NBEA: variants seen among roughly 807,000 people sequenced by gnomAD.
The protein encoded by NBEA is neurobeachin.
In NBEA, 44 loss-of-function variants were observed where a neutral mutation model predicts 343.4. The observed-to-expected ratio is 0.13, with a 90% CI of 0.10 to 0.16. The LOEUF (loss-of-function observed/expected upper bound fraction) is 0.16. NBEA is among the 10% of genes least tolerant of loss of function. The pLI is 1.00. For missense variants in NBEA, 2,555 were observed against 3,631.3 expected, an observed-to-expected ratio of 0.70 and a Z score of 7.62; for synonymous variants, 1,175 against 1,238.7, an observed-to-expected ratio of 0.95 and a Z score of 1.08.
chr13:35,117,058 T>C (rs1281395207), intron 13 of NBEA, among the ~76,000 whole-genome samples: 2 of 151,822 alleles, frequency 1.3e-5, no homozygotes, highest in Admixed American at 1.3e-4. Context: ...ACAAGTTTAA[T>C]TGAGAGTGGA....
chr13:35,309,064 G>C (rs2037185170), intron 35 of NBEA, among the ~76,000 whole-genome samples: 1 of 151,872 alleles, frequency 6.6e-6, no homozygotes, highest in Non-Finnish European at 1.5e-5. Flanking sequence ...CATATAACTA[G>C]AACATTGCAC....
intron 1 of NBEA, among the ~76,000 whole-genome samples, chr13:35,016,557 C>T (rs997271904): frequency 6.6e-6 from 1 of 150,438 alleles, no homozygotes; most frequent in African/African-American, 2.5e-5. Context: ...AGCTACAATA[C>T]AAGCTCCACC....
chr13:35,646,681 T>C (rs7338554), intron 51 of NBEA, among the ~76,000 whole-genome samples: 5,157 of 152,186 alleles, frequency 0.034, 307 homozygotes, highest in African/African-American at 0.12. Flanking sequence ...CAATGAAAAA[T>C]GTATTGCAGA....
At chr13:35,154,694 A>C (rs1287156695) in intron 18 of NBEA, among the ~76,000 whole-genome samples, 4 of 152,234 alleles carry the variant, frequency 2.6e-5, no homozygotes, top group Non-Finnish European at 4.4e-5. Context: ...TTAGTGGGAA[A>C]GTTAGTAAAT....
At chr13:34,987,467 G>T (rs931825107) in intron 1 of NBEA, among the ~76,000 whole-genome samples, 3 of 150,684 alleles carry the variant, frequency 2.0e-5, no homozygotes, top group Non-Finnish European at 4.5e-5. Flanking sequence ...TGACAATTAT[G>T]TGTCTTGGGG....
chr13:35,588,657 A>G (rs1379311935), intron 46 of NBEA, among the ~76,000 whole-genome samples: 2 of 152,186 alleles, frequency 1.3e-5, no homozygotes, highest in African/African-American at 2.4e-5. Context: ...TGGGCAAATC[A>G]TGAATAAACT....
chr13:35,398,420 C>T (rs1397335846), intron 38 of NBEA, among the ~76,000 whole-genome samples: 1 of 152,090 alleles, frequency 6.6e-6, no homozygotes, highest in Non-Finnish European at 1.5e-5. Context: ...TGATTTTGCC[C>T]AGATCCATCA....
intron 1 of NBEA, among the ~76,000 whole-genome samples, chr13:35,035,477 G>A (rs558020574): frequency 6.6e-6 from 1 of 152,042 alleles, no homozygotes; most frequent in South Asian, 2.1e-4. Context: ...AAAAGAATGT[G>A]TATTCTGCAG....
In NBEA at chr13:35,352,173, A is replaced by G. The variant is rs1350705868; in HGVS notation, c.6029A>G (p.Tyr2010Cys). The change falls in exon 38 of 59, where the codon TAT (tyrosine) becomes TGT (cysteine). Residue 2010 changes from tyrosine to cysteine, a missense_variant. By Grantham distance (194) the Tyr-to-Cys change is radical (BLOSUM62 -2). Coordinates refer to ENST00000379939, the MANE Select transcript of NBEA (RefSeq NM_001385012.1). ...HAEFESQCAQYAADRREEEKM... is the reference protein window; with the variant it reads ...HAEFESQCAQCAADRREEEKM... ...TCTTTATAGTCACAGTGTGCCCAAT[A>G]TGCTGCTGATAGAAGAGAGGAAGAA... 3 of 1,494,126 alleles carry G rather than the reference A, an allele frequency of 2.0e-6. No individual in the cohort carries two copies. Among genetic ancestry groups the G allele is most frequent in the Non-Finnish European group, 2.7e-6 (3 of 1,113,536 alleles). 92.6% of individuals were successfully genotyped at this position (1,494,126 alleles called of 1,614,324 possible).
At chr13:35,188,817 T>C (rs2071933058) in intron 30 of NBEA, among the ~76,000 whole-genome samples, 2 of 151,968 alleles carry the variant, frequency 1.3e-5, no homozygotes, top group Non-Finnish European at 2.9e-5. Context: ...CCATTTTCCA[T>C]AATAGCTGTC....
intron 38 of NBEA, among the ~76,000 whole-genome samples, chr13:35,394,423 C>T (rs2042645440): frequency 1.3e-5 from 2 of 151,970 alleles, no homozygotes; most frequent in African/African-American, 4.8e-5. Context: ...TTGATGAAAA[C>T]TTAAGTGTTA....
intron 38 of NBEA, 38 bp downstream of exon 38, chr13:35,352,361 G>C: frequency 8.9e-7 from 1 of 1,126,682 alleles, no homozygotes; most frequent in Non-Finnish European, 1.2e-6. Flanking sequence ...ATAATTCATA[G>C]GTTAATTATA....
chr13:35,004,471 G>GA (rs1173416631), intron 1 of NBEA, among the ~76,000 whole-genome samples: 1 of 152,038 alleles, frequency 6.6e-6, no homozygotes, highest in Non-Finnish European at 1.5e-5. Flanking sequence ...GTTAAAGGGG[G>GA]AAAAAAGCAC....
At chr13:35,469,238 A>T (rs2075537184) in intron 40 of NBEA, among the ~76,000 whole-genome samples, 2 of 152,202 alleles carry the variant, frequency 1.3e-5, no homozygotes, top group African/African-American at 4.8e-5. Context: ...CTTTTAAAAT[A>T]TATTTGATAA....
intron 8 of NBEA, among the ~76,000 whole-genome samples, chr13:35,061,972 C>A (rs17051833): frequency 2.6e-5 from 4 of 151,400 alleles, no homozygotes; most frequent in African/African-American, 7.3e-5. Context: ...CAATATTGTA[C>A]GGAGTAGTAG....
intron 33 of NBEA, among the ~76,000 whole-genome samples, chr13:35,231,992 A>G (rs545389910): frequency 1.3e-5 from 2 of 152,304 alleles, no homozygotes; most frequent in East Asian, 3.9e-4. Context: ...AAAGAAAAGT[A>G]AATAGGCTTA....
In NBEA at chr13:35,534,750, G is replaced by T. The variant is rs144635031; in HGVS notation, c.6586-15727G>T. Among the ~76,000 whole-genome samples, 5 of 152,270 alleles carry T rather than the reference G, an allele frequency of 3.3e-5. No homozygotes were observed. In the East Asian group the frequency reaches 9.7e-4, roughly 29 times the overall value. The stretch of plus-strand genomic sequence containing the variant: ...AAAAGCTGGGCTCCATGAAAGGAGG[G>T]GCCGTCTCTGTCTTGTTCACAATGT... On this transcript the variant is annotated intron_variant, in intron 41 of 58. Coordinates refer to ENST00000379939, the MANE Select transcript of NBEA (RefSeq NM_001385012.1).
chr13:35,546,377 A>C (rs911419993), intron 41 of NBEA, among the ~76,000 whole-genome samples: 2 of 151,826 alleles, frequency 1.3e-5, no homozygotes, highest in African/African-American at 4.8e-5. Flanking sequence ...AGGTGGGAGA[A>C]TCGCTCGAAC....
At position 35,258,426 on chromosome 13, in the gene NBEA, A is replaced by C. The variant is rs1460590296; in HGVS notation, c.5776+25807A>C. Among the ~76,000 whole-genome samples, 3 of 151,852 alleles carry C rather than the reference A, an allele frequency of 2.0e-5. No homozygotes were observed. In the South Asian group the frequency reaches 6.2e-4, roughly 32 times the overall value. ...TGATCCGCCTGCCTCAGCGTCCCTA[A>C]GTGCTGGGATTACAGGCATGAGCCA... On this transcript the variant is annotated intron_variant, in intron 34 of 58. Coordinates refer to ENST00000379939, the MANE Select transcript of NBEA (RefSeq NM_001385012.1).
Sources: allele counts gnomAD v4.1 joint callset (sites outside exome capture counted in the v4.1 genomes callset), GRCh38; gene constraint gnomAD v4.1.1; transcripts MANE v1.5; gene names NCBI Gene and HGNC (gene_info 2026-07-23, HGNC 2026-07-21).